Variants in USP34 observed in about 807,000 individuals in gnomAD.
USP34 encodes the protein ubiquitin carboxyl-terminal hydrolase 34.
In USP34, 70 loss-of-function variants were observed where a neutral mutation model predicts 460.3. The ratio of observed to expected loss-of-function variants is 0.15; its 90% CI spans 0.13 to 0.19. The LOEUF is 0.19. Among genes scored for constraint, USP34 ranks in the 10% least tolerant of loss-of-function variants. The pLI, the probability that USP34 is intolerant of heterozygous loss-of-function variation, is 1.00. For synonymous variants in USP34, 1,647 were observed against 1,405.3 expected (o/e 1.17, Z -3.85); for missense variants, 3,985 against 4,236.2 (o/e 0.94, Z 1.65).
chr2:61,385,224 A>T (rs921455486), intron 5 of USP34, among the ~76,000 whole-genome samples: 1 of 152,222 alleles, frequency 6.6e-6, no homozygotes, highest in South Asian at 2.1e-4. Flanking sequence ...ATAATCAATT[A>T]AACAACATGT....
intron 41 of USP34, among the ~76,000 whole-genome samples, chr2:61,268,344 T>C (rs1321145589): frequency 6.7e-6 from 1 of 148,472 alleles, no homozygotes; most frequent in African/African-American, 2.5e-5. Context: ...GTGAGAGGTG[T>C]TCGAGTCATC....
intron 10 of USP34, among the ~76,000 whole-genome samples, chr2:61,352,082 C>G (rs963894552): frequency 4.6e-5 from 7 of 152,062 alleles, no homozygotes; most frequent in African/African-American, 1.7e-4. Context: ...TATATACTTA[C>G]CAGTTGAAGA....
chr2:61,399,903 A>G (rs1051034831), intron 3 of USP34, among the ~76,000 whole-genome samples: 1 of 148,228 alleles, frequency 6.7e-6, no homozygotes, highest in Non-Finnish European at 1.5e-5. Flanking sequence ...CTGTATTAAC[A>G]GTATTTTTCA....
chr2:61,328,341 C>CA (rs1691161291), intron 20 of USP34, among the ~76,000 whole-genome samples: 2 of 150,616 alleles, frequency 1.3e-5, no homozygotes. Flanking sequence ...AATATAAAAT[C>CA]AAAAAACAAA....
intron 50 of USP34, 38 bp downstream of exon 50, chr2:61,246,286 T>C: frequency 1.4e-6 from 2 of 1,448,818 alleles, no homozygotes; most frequent in Non-Finnish European, 1.8e-6. Context: ...AAAACTACCA[T>C]AAATTGTTAA....
At chr2:61,206,965 A>G in intron 70 of USP34, 79 bp from the exon 71 acceptor site, 1 of 1,450,820 alleles carries the variant, frequency 6.9e-7, no homozygotes, top group Non-Finnish European at 9.4e-7. Flanking sequence ...CTCGTCCTCT[A>G]CGATAGATGT....
intron 2 of USP34, among the ~76,000 whole-genome samples, chr2:61,419,375 T>C (rs957221411): frequency 3.3e-5 from 5 of 152,102 alleles, no homozygotes; most frequent in African/African-American, 1.2e-4. Flanking sequence ...AGGCTCTCGG[T>C]GGTTTGGAGG....
At chr2:61,214,834 T>C in intron 67 of USP34, 140 bp from the exon 68 acceptor site, 2 of 1,005,230 alleles carry the variant, frequency 2.0e-6, no homozygotes, top group Non-Finnish European at 2.8e-6. Context: ...TTAGTATCTT[T>C]CTGCTTTCCC....
intron 44 of USP34, among the ~76,000 whole-genome samples, chr2:61,258,495 C>T (rs956990737): frequency 1.3e-5 from 2 of 152,120 alleles, no homozygotes; most frequent in East Asian, 3.9e-4. Flanking sequence ...AGTTTGAAAC[C>T]AAGCTGACTC....
intron 2 of USP34, among the ~76,000 whole-genome samples, chr2:61,413,297 G>A (rs1489648417): frequency 3.9e-5 from 6 of 152,164 alleles, no homozygotes; most frequent in Non-Finnish European, 8.8e-5. Context: ...AGGAGGCTGA[G>A]GCAGAATTGC....
chr2:61,265,920 G>T, intron 42 of USP34, 64 bp downstream of exon 42: 1 of 1,399,700 alleles, frequency 7.1e-7, no homozygotes. Context: ...GTTAAACAGT[G>T]CCCTCAAAAT....
At chr2:61,395,360 G>C (rs1435702468) in intron 3 of USP34, 127 bp from the exon 4 acceptor site, 1 of 639,076 alleles carries the variant, frequency 1.6e-6, no homozygotes, top group Non-Finnish European at 2.7e-6. Context: ...CTCCTGATAA[G>C]CAGTGATACT....
At chr2:61,423,831 G>T (rs1319512060) in intron 1 of USP34, among the ~76,000 whole-genome samples, 5 of 152,154 alleles carry the variant, frequency 3.3e-5, no homozygotes, top group Admixed American at 3.3e-4. Context: ...CATGCCTATA[G>T]TTCTAGCTAC....
At chr2:61,430,014 C>A (rs1694621388) in intron 1 of USP34, among the ~76,000 whole-genome samples, 1 of 152,082 alleles carries the variant, frequency 6.6e-6, no homozygotes, top group Admixed American at 6.6e-5. Flanking sequence ...GAGATCGAGA[C>A]CATCCTGGCT....
chr2:61,257,335 C>T lies in USP34; in HGVS notation c.5860G>A (p.Ala1954Thr). 1 of 1,597,278 alleles carries T rather than the reference C, an allele frequency of 6.3e-7. No individual in the cohort carries two copies. Among genetic ancestry groups the T allele is most frequent in the Non-Finnish European group, 8.5e-7 (1 of 1,173,320 alleles). Residue 1954 changes from alanine to threonine, a missense_variant, in exon 45 of 80, where the codon GCA becomes ACA. Ala to Thr is a moderately conservative substitution (Grantham distance 58). This residue lies in a region of USP34 where 145 missense variants were observed against 291.6 expected (regional missense o/e 0.50). Transcript: ENST00000398571. Reference sequence around the variant, plus strand: ...TTACAGAAAGGTCTAGGATTATATGCTTTGCATTCACTCTCCTGCAAATAA... The same window carrying T: ...TTACAGAAAGGTCTAGGATTATATGTTTTGCATTCACTCTCCTGCAAATAA... ...FTYLMESECK[A>T]YNPRPFCKTY... is the part of the protein sequence containing the mutation.
chr2:61,417,073 A>C (rs758127264), intron 2 of USP34: 1 of 1,383,064 alleles, frequency 7.2e-7, no homozygotes, highest in East Asian at 2.3e-5. Context: ...GGCCCTGAGC[A>C]GGACCTCAAT....
At position 61,314,464 on chromosome 2, in the gene USP34, T is replaced by C. The variant is rs982507822; in HGVS notation, c.3542+121A>G. The C allele has an allele frequency of 7.2e-5, 62 of 865,504 alleles. 1 individual carries two copies. In the South Asian group the frequency reaches 1.0e-3, roughly 14 times the overall value. The allele number at this position is 865,504 out of a possible 1,614,324, so 53.6% of individuals were successfully genotyped here. A position where few individuals can be genotyped will look rare whatever the true frequency, so the allele number is the denominator to read the frequency against. On this transcript the variant is annotated intron_variant, in intron 25 of 79. Transcript: ENST00000398571. ...TACTTATGTTACTGATCCTTCACTT[T>C]GGTAAATTATGCTTTCTACTTGACC...
intron 48 of USP34, among the ~76,000 whole-genome samples, chr2:61,254,930 C>T (rs577560499): frequency 8.8e-4 from 134 of 152,244 alleles, no homozygotes; most frequent in African/African-American, 3.0e-3. Flanking sequence ...TCACTGTAAG[C>T]TACCTCCCAG....
chr2:61,401,700 T>A (rs184133605), intron 3 of USP34, among the ~76,000 whole-genome samples: 1 of 149,636 alleles, frequency 6.7e-6, no homozygotes, highest in East Asian at 2.0e-4. Context: ...AGGCACCCGC[T>A]ACCACGCCCT....
Sources: gnomAD v4.1 joint callset for allele counts (sites outside exome capture counted in the v4.1 genomes callset) on GRCh38, gnomAD v4.1.1 for gene constraint, gnomAD v4.1.1 regional missense constraint, MANE v1.5 for transcripts, NCBI Gene and HGNC (gene_info 2026-07-23, HGNC 2026-07-21) for gene names.